EPHA6: variants seen among roughly 807,000 people sequenced by gnomAD.
EPHA6 encodes the protein EPH receptor A6, also known as ephrin type-A receptor 6.
EPHA6 carries 50 observed loss-of-function variants against 112.0 expected under a neutral mutation model. The observed-to-expected ratio is 0.45, with a 90% CI of 0.36 to 0.56. The LOEUF (loss-of-function observed/expected upper bound fraction) is 0.56, where lower values mean the gene tolerates loss of function less well. EPHA6 is among the 20% of genes least tolerant of loss of function. The probability of loss-of-function intolerance (pLI) is 0.00; values close to 1 mark genes in which losing one functional copy is unlikely to be tolerated. For synonymous variants in EPHA6, 529 were observed against 490.7 expected, an observed-to-expected ratio of 1.08 and a Z score of -1.03; for missense variants, 1,280 against 1,417.4, an observed-to-expected ratio of 0.90 and a Z score of 1.56.
chr3:97,011,655 CT>C (rs1397923768), intron 3 of EPHA6, among the ~76,000 whole-genome samples: 5 of 152,116 alleles, frequency 3.3e-5, no homozygotes, highest in African/African-American at 1.2e-4. Flanking sequence ...TCTTTTTCAA[CT>C]TTTATTTTAG....
At chr3:97,195,124 A>G (rs997033253) in intron 3 of EPHA6, among the ~76,000 whole-genome samples, 2 of 151,842 alleles carry the variant, frequency 1.3e-5, no homozygotes, top group African/African-American at 2.4e-5. Context: ...ATTTGTTTAC[A>G]GCTTGTTTTG....
intron 13 of EPHA6, among the ~76,000 whole-genome samples, chr3:97,627,125 G>T (rs570590775): frequency 0.015 from 2,331 of 151,952 alleles, 60 homozygotes; most frequent in African/African-American, 0.053. Context: ...GGCAAGGCAA[G>T]TTAGGTGGCT....
At chr3:96,970,900 C>A (rs553293162) in intron 2 of EPHA6, among the ~76,000 whole-genome samples, 2 of 152,162 alleles carry the variant, frequency 1.3e-5, no homozygotes, top group South Asian at 4.1e-4. Flanking sequence ...CTATAACTTA[C>A]AAGAATCAAA....
At chr3:96,993,180 T>C (rs563186989) in intron 3 of EPHA6, among the ~76,000 whole-genome samples, 3 of 152,270 alleles carry the variant, frequency 2.0e-5, no homozygotes, top group South Asian at 4.1e-4. Context: ...ACTAAATTAC[T>C]GAGAACAGAA....
At chr3:97,608,048 T>C (rs1295321814) in intron 12 of EPHA6, among the ~76,000 whole-genome samples, 2 of 150,844 alleles carry the variant, frequency 1.3e-5, no homozygotes, top group Non-Finnish European at 3.0e-5. Context: ...TTCTTCTCTG[T>C]TGAAAACCAA....
At position 97,656,726 on chromosome 3, in the gene EPHA6, A is replaced by G. The variant is rs9856299; in HGVS notation, c.2784+18644A>G. The stretch of plus-strand genomic sequence containing the variant: ...AGCAAAAGAAAGCACTGAAAAAATG[A>G]CTGCAAAGAGCTTTCCTCAAACTCT... On this transcript the variant is annotated intron_variant, in intron 14 of 17. Transcript: ENST00000389672. 3.4e-3 allele frequency among the ~76,000 whole-genome samples: 516 copies of G among 152,058 alleles called. 3 individuals carry two copies. Among genetic ancestry groups the G allele is most frequent in the African/African-American group, 0.011 (474 of 41,530 alleles).
At chr3:97,311,687 G>A (rs1559871571) in intron 5 of EPHA6, among the ~76,000 whole-genome samples, 2 of 151,444 alleles carry the variant, frequency 1.3e-5, no homozygotes, top group Non-Finnish European at 3.0e-5. Flanking sequence ...TATTACTGTG[G>A]CTTTATTATA....
intron 1 of EPHA6, among the ~76,000 whole-genome samples, chr3:96,851,459 A>G (rs1227259305): frequency 1.3e-5 from 2 of 152,156 alleles, no homozygotes; most frequent in East Asian, 1.9e-4. Context: ...CTGGACTCTT[A>G]GAATAGCTTT....
intron 3 of EPHA6, among the ~76,000 whole-genome samples, chr3:97,036,888 C>T (rs1400059891): frequency 1.3e-5 from 2 of 151,960 alleles, no homozygotes. Context: ...CTCACAGCTG[C>T]TCCCTTCTCT....
rs1396156823 is a variant in EPHA6, at chr3:97,748,525, C to A, written c.3279-62C>A. On this transcript the variant is annotated intron_variant, in intron 17 of 17. Transcript: ENST00000389672. ...GAATGTTCATATTCTGTATCTCTCTCTCTCTCTCTCTCTTTCTTGCTCTCA... is the reference window on the plus strand; with the variant it reads ...GAATGTTCATATTCTGTATCTCTCTATCTCTCTCTCTCTTTCTTGCTCTCA... 6.4e-6 allele frequency: 5 copies of A among 780,146 alleles called. No homozygotes were observed. The East Asian group carries it at 1.3e-4, about 21-fold the overall frequency. 48.3% of individuals were successfully genotyped at this position (780,146 alleles called of 1,614,324 possible).
intron 11 of EPHA6, among the ~76,000 whole-genome samples, chr3:97,557,094 T>C (rs2093122069): frequency 1.3e-5 from 2 of 152,064 alleles, no homozygotes; most frequent in African/African-American, 4.8e-5. Flanking sequence ...ATAGGATAGA[T>C]TCATAGAAGT....
At chr3:96,949,913 A>C (rs1040118893) in intron 2 of EPHA6, among the ~76,000 whole-genome samples, 2 of 152,156 alleles carry the variant, frequency 1.3e-5, no homozygotes, top group Non-Finnish European at 2.9e-5. Flanking sequence ...TGACTACCGA[A>C]AATTAAAGTC....
At chr3:96,835,541 A>G (rs2034357509) in intron 1 of EPHA6, among the ~76,000 whole-genome samples, 1 of 152,026 alleles carries the variant, frequency 6.6e-6, no homozygotes, top group African/African-American at 2.4e-5. Flanking sequence ...GGGAATAGAT[A>G]AAGACTGTGA....
In EPHA6 at chr3:97,434,856, T is replaced by C. The variant is rs553162069; in HGVS notation, c.1732-13712T>C. On this transcript the variant is annotated intron_variant, in intron 6 of 17. Transcript: ENST00000389672. ...GCTAGGCATCATCTCATCATACTCT[T>C]TCTCTCTCTCTCACCTCTCTTTCTT... is the stretch of plus-strand genomic sequence containing the variant. Among the ~76,000 whole-genome samples, 7 of 151,690 alleles carry C rather than the reference T, an allele frequency of 4.6e-5. No individual in the cohort carries two copies. The South Asian group carries it at 1.3e-3, about 27-fold the overall frequency.
At chr3:97,047,856 C>T (rs1393824943) in intron 3 of EPHA6, among the ~76,000 whole-genome samples, 2 of 152,148 alleles carry the variant, frequency 1.3e-5, no homozygotes, top group South Asian at 4.1e-4. Flanking sequence ...TGGAGAAATG[C>T]TGTAGTTGAT....
chr3:97,673,866 G>A (rs1023163448), intron 14 of EPHA6, among the ~76,000 whole-genome samples: 6 of 152,244 alleles, frequency 3.9e-5, no homozygotes, highest in South Asian at 2.1e-4. Context: ...TCTTGCTTTC[G>A]CAATAATTTT....
At chr3:97,425,620 C>T (rs954914775) in intron 6 of EPHA6, among the ~76,000 whole-genome samples, 2 of 152,198 alleles carry the variant, frequency 1.3e-5, no homozygotes, top group Non-Finnish European at 2.9e-5. Context: ...AGATCTCTGA[C>T]ATGGCCTGGA....
chr3:97,513,911 T>C (rs1241677554), intron 10 of EPHA6, among the ~76,000 whole-genome samples: 1 of 152,036 alleles, frequency 6.6e-6, no homozygotes, highest in African/African-American at 2.4e-5. Flanking sequence ...AACAGAAAAT[T>C]ACAGCTAAGA....
chr3:96,847,583 GAATTAT>G (rs148004591), intron 1 of EPHA6, among the ~76,000 whole-genome samples: 15 of 152,138 alleles, frequency 9.9e-5, no homozygotes, highest in Non-Finnish European at 2.1e-4. Flanking sequence ...ATATCAGTAT[GAATTAT>G]AATTTATGAA....
Sources: gnomAD v4.1 joint callset for allele counts (sites outside exome capture counted in the v4.1 genomes callset) on GRCh38, gnomAD v4.1.1 for gene constraint, MANE v1.5 for transcripts, NCBI Gene and HGNC (gene_info 2026-07-23, HGNC 2026-07-21) for gene names.